Variants in XIRP2 observed in about 807,000 individuals in gnomAD.
The protein encoded by XIRP2 is xin actin binding repeat containing 2, also known as xin actin-binding repeat-containing protein 2.
A neutral mutation model predicts 277.0 loss-of-function variants in XIRP2; 236 were observed. The observed-to-expected ratio is 0.85, with a 90% CI of 0.77 to 0.95. XIRP2 has a LOEUF of 0.95. Ranked by LOEUF, XIRP2 falls within the 40% of genes least tolerant of loss-of-function variation. XIRP2 has a pLI of 0.00. For synonymous variants in XIRP2, 1,490 were observed against 1,416.5 expected (o/e 1.05, Z -1.17); for missense variants, 4,640 against 4,157.5 (o/e 1.12, Z -3.19).
intron 2 of XIRP2, among the ~76,000 whole-genome samples, chr2:167,007,673 A>ATGTAC (rs1236153715): frequency 1.4e-5 from 2 of 143,928 alleles, no homozygotes; most frequent in African/African-American, 5.3e-5. Flanking sequence ...TCTTACCCAC[A>ATGTAC]TGTACACTCT....
intron 2 of XIRP2, among the ~76,000 whole-genome samples, chr2:167,105,378 T>G (rs182920747): frequency 2.0e-4 from 30 of 152,128 alleles, no homozygotes; most frequent in Non-Finnish European, 4.1e-4. Flanking sequence ...AATTTTGTTA[T>G]TTTAAGAATG....
chr2:167,027,284 A>T (rs999746316), intron 2 of XIRP2, among the ~76,000 whole-genome samples: 4 of 151,936 alleles, frequency 2.6e-5, no homozygotes, highest in Admixed American at 2.0e-4. Context: ...CCTTTCTTCC[A>T]GTTTATCACA....
intron 2 of XIRP2, among the ~76,000 whole-genome samples, chr2:166,988,711 C>T (rs1378829707): frequency 1.5e-4 from 13 of 89,470 alleles, no homozygotes; most frequent in African/African-American, 6.2e-4. Context: ...GACGGACGCA[C>T]CTGGAAAATC....
At chr2:167,022,250 T>C (rs1156346445) in intron 2 of XIRP2, among the ~76,000 whole-genome samples, 2 of 152,048 alleles carry the variant, frequency 1.3e-5, no homozygotes, top group Non-Finnish European at 2.9e-5. Context: ...TCTATACCTG[T>C]GAAACAACAG....
intron 2 of XIRP2, among the ~76,000 whole-genome samples, chr2:166,906,766 A>G (rs1484593094): frequency 6.6e-6 from 1 of 152,072 alleles, no homozygotes; most frequent in Non-Finnish European, 1.5e-5. Flanking sequence ...AGAACAGCCC[A>G]GGCAACCCAT....
At chr2:167,184,679 G>T in intron 3 of XIRP2, 1 of 708,758 alleles carries the variant, frequency 1.4e-6, no homozygotes, top group South Asian at 1.5e-5. Flanking sequence ...CTGCTTCTGG[G>T]TCTCATTGGT....
intron 2 of XIRP2, among the ~76,000 whole-genome samples, chr2:166,933,669 T>C (rs1418856474): frequency 1.3e-5 from 2 of 151,656 alleles, no homozygotes; most frequent in Non-Finnish European, 2.9e-5. Flanking sequence ...ATTAACAAAA[T>C]AATTCTATAA....
At chr2:166,967,234 A>C (rs55799453) in intron 2 of XIRP2, among the ~76,000 whole-genome samples, 5,219 of 152,028 alleles carry the variant, frequency 0.034, 112 homozygotes, top group East Asian at 0.078. Context: ...CAAGTTTTAG[A>C]AGAAGATAGA....
intron 5 of XIRP2, among the ~76,000 whole-genome samples, chr2:167,235,925 A>G (rs534071329): frequency 6.6e-6 from 1 of 152,120 alleles, no homozygotes; most frequent in Admixed American, 6.6e-5. Flanking sequence ...TGCTATGCTC[A>G]TCACTTAAAA....
At chr2:167,042,125 C>A in intron 2 of XIRP2, among the ~76,000 whole-genome samples, 1 of 152,114 alleles carries the variant, frequency 6.6e-6, no homozygotes, top group East Asian at 1.9e-4. Context: ...AAATCCTTTA[C>A]AGACAAACAG....
At chr2:167,171,016 C>T (rs1471388718) in intron 3 of XIRP2, among the ~76,000 whole-genome samples, 1 of 150,962 alleles carries the variant, frequency 6.6e-6, no homozygotes, top group African/African-American at 2.4e-5. Flanking sequence ...TCTCCTGCCT[C>T]AGCCTCCTGG....
chr2:167,030,468 T>G (rs766510109), intron 2 of XIRP2, among the ~76,000 whole-genome samples: 4 of 152,176 alleles, frequency 2.6e-5, no homozygotes, highest in Non-Finnish European at 5.9e-5. Flanking sequence ...AATTTTGTTA[T>G]GTACCCAGTA....
chr2:167,166,757 G>C (rs751262968), intron 3 of XIRP2, among the ~76,000 whole-genome samples: 2 of 152,128 alleles, frequency 1.3e-5, no homozygotes, highest in Non-Finnish European at 2.9e-5. Context: ...ATTCATGAGG[G>C]ATCTGCCCCG....
intron 2 of XIRP2, among the ~76,000 whole-genome samples, chr2:167,126,794 C>T (rs1392341572): frequency 6.6e-6 from 1 of 152,132 alleles, no homozygotes; most frequent in Non-Finnish European, 1.5e-5. Context: ...TGTGCCTGTG[C>T]CTTTGATCAC....
chr2:167,023,923 T>G (rs1688063706), intron 2 of XIRP2, among the ~76,000 whole-genome samples: 1 of 152,150 alleles, frequency 6.6e-6, no homozygotes, highest in Admixed American at 6.6e-5. Flanking sequence ...GGCTTAGGAT[T>G]GACTTGGTGA....
intron 2 of XIRP2, among the ~76,000 whole-genome samples, chr2:167,009,560 A>G (rs1398005957): frequency 6.6e-6 from 1 of 152,102 alleles, no homozygotes; most frequent in Non-Finnish European, 1.5e-5. Context: ...CATAATTTAC[A>G]GTCCTTTGGG....
At chr2:167,129,827 G>A (rs1216737136) in intron 2 of XIRP2, among the ~76,000 whole-genome samples, 6 of 147,720 alleles carry the variant, frequency 4.1e-5, no homozygotes, top group Non-Finnish European at 8.9e-5. Context: ...CTGAGATCGC[G>A]CCATTGCACT....
In XIRP2 at chr2:167,201,256, AAG is replaced by A. The variant is rs1326695017; in HGVS notation, c.563-9477_563-9476del. On this transcript the variant is annotated intron_variant, in intron 3 of 10. Transcript: ENST00000409195. ...AAAGAAAGAAAGAAAGAAAGAAAGA[AAG>A]AAAGAGAGAGGGAGAAAGGAAAGAA... Among the ~76,000 whole-genome samples the A allele has an allele frequency of 3.0e-5, 3 of 101,278 alleles. No homozygotes were observed. The South Asian group carries it at 1.0e-3, about 35-fold the overall frequency. 66.4% of individuals were successfully genotyped at this position (101,278 alleles called of 152,430 possible).
At chr2:167,034,459 A>G (rs573959608) in intron 2 of XIRP2, among the ~76,000 whole-genome samples, 1 of 152,018 alleles carries the variant, frequency 6.6e-6, no homozygotes, top group South Asian at 2.1e-4. Flanking sequence ...ATATAGATGG[A>G]CTAAACACTC....
Sources: gnomAD v4.1 joint callset for allele counts (sites outside exome capture counted in the v4.1 genomes callset) on GRCh38, gnomAD v4.1.1 for gene constraint, MANE v1.5 for transcripts, NCBI Gene and HGNC (gene_info 2026-07-23, HGNC 2026-07-21) for gene names.